Variants in VPS54 observed in about 807,000 individuals in gnomAD.
The protein encoded by VPS54 is VPS54 subunit of GARP complex, also known as vacuolar protein sorting-associated protein 54.
A neutral mutation model predicts 121.5 loss-of-function variants in VPS54; 45 were observed. The observed-to-expected ratio is 0.37, with a 90% confidence interval of 0.29 to 0.47. VPS54 has a LOEUF of 0.47. Among genes scored for constraint, VPS54 ranks in the 20% least tolerant of loss-of-function variants. The pLI, the probability that VPS54 is intolerant of heterozygous loss-of-function variation, is 0.99. For missense variants in VPS54, 1,090 were observed against 1,131.4 expected, an observed-to-expected ratio of 0.96 and a Z score of 0.52; for synonymous variants, 371 against 385.8, an observed-to-expected ratio of 0.96 and a Z score of 0.45.
At chr2:63,990,573 C>T (rs1382964246) in intron 1 of VPS54, among the ~76,000 whole-genome samples, 1 of 152,126 alleles carries the variant, frequency 6.6e-6, no homozygotes, top group East Asian at 1.9e-4. Context: ...ACCTCTGCTC[C>T]TTCTGCTCCC....
At chr2:63,917,707 AT>A (rs1299712933) in intron 15 of VPS54, among the ~76,000 whole-genome samples, 1 of 151,968 alleles carries the variant, frequency 6.6e-6, no homozygotes, top group African/African-American at 2.4e-5. Flanking sequence ...TCAGAAGTAT[AT>A]TTTTTGAGGT....
In VPS54 at chr2:63,912,374, C is replaced by T; in HGVS notation, c.2596G>A (p.Asp866Asn). 6.2e-7 allele frequency: 1 copy of T among 1,611,234 alleles called. No individual in the cohort carries two copies. The highest frequency in any genetic ancestry group is 8.5e-7 in the Non-Finnish European group (1 of 1,178,498). ...GATAACAGCTTGTCAAATAAGCTAT[C>T]CATTATCGCTACAAGCTTAGCTGAT... ...EISAKLVAIM[D>N]SLFDKLLSKY... The change falls in exon 20 of 23, where the codon GAT (aspartate) becomes AAT (asparagine). Residue 866 changes from aspartate (D) to asparagine (N), a missense_variant. Physicochemically the swap from Asp to Asn is conservative, Grantham distance 23. Transcript: ENST00000272322.
chr2:63,910,537 C>T (rs1673104030), intron 20 of VPS54, among the ~76,000 whole-genome samples: 1 of 152,010 alleles, frequency 6.6e-6, no homozygotes, highest in Non-Finnish European at 1.5e-5. Context: ...GAGGAATTAT[C>T]AATTTTGTTA....
chr2:63,955,706 A>G (rs1305683504), intron 7 of VPS54, among the ~76,000 whole-genome samples: 2 of 152,070 alleles, frequency 1.3e-5, no homozygotes, highest in Non-Finnish European at 2.9e-5. Context: ...TATATGCAAG[A>G]ATTTGTCTAC....
chr2:63,961,085 G>A (rs1011162314), intron 7 of VPS54, among the ~76,000 whole-genome samples: 3 of 152,092 alleles, frequency 2.0e-5, no homozygotes, highest in African/African-American at 7.2e-5. Flanking sequence ...TAATTTGTCT[G>A]CTTCCTTCCC....
chr2:64,019,263 T>C lies in VPS54; in HGVS notation c.-346A>G, dbSNP rs1559064316. 6.7e-6 allele frequency among the ~76,000 whole-genome samples: 1 copy of C among 148,372 alleles called. No homozygotes were observed. Among genetic ancestry groups the C allele is most frequent in the Non-Finnish European group, 1.5e-5 (1 of 66,808 alleles). ...CGCTGCTGCCACCGCCTCTCCCACATCCCCGGCCTCCAGGGGAGCCGCCGC... is the reference window on the plus strand; with the variant it reads ...CGCTGCTGCCACCGCCTCTCCCACACCCCCGGCCTCCAGGGGAGCCGCCGC... On this transcript the variant is annotated 5_prime_UTR_variant, in exon 1 of 23. The change abolishes an upstream ATG in the 5' untranslated region. Transcript: ENST00000272322.
intron 1 of VPS54, among the ~76,000 whole-genome samples, chr2:64,002,933 CTT>C (rs1677953984): frequency 6.6e-6 from 1 of 152,186 alleles, no homozygotes; most frequent in Non-Finnish European, 1.5e-5. Context: ...AAGAACCAAA[CTT>C]TGTACTGATC....
intron 8 of VPS54, 53 bp downstream of exon 8, chr2:63,948,984 G>A (rs983983980): frequency 1.3e-6 from 2 of 1,591,420 alleles, no homozygotes; most frequent in African/African-American, 2.7e-5. Context: ...TGTGTTCTAA[G>A]CCAAGACTGT....
chr2:63,968,940 T>C lies in VPS54; in HGVS notation c.492+17A>G, dbSNP rs375278839. 2 of 1,597,540 alleles carry C rather than the reference T, an allele frequency of 1.3e-6. No individual in the cohort carries two copies. Among genetic ancestry groups the C allele is most frequent in the Non-Finnish European group, 1.7e-6 (2 of 1,172,840 alleles). On this transcript the variant is annotated intron_variant, in intron 5 of 22. Coordinates refer to ENST00000272322, the MANE Select transcript of VPS54 (RefSeq NM_016516.3). ...CAAATATTATAAGGCAATTTTCTCATGTTTAAGCTTTGTTACCTTAGGTAC... is the reference window on the plus strand; with the variant it reads ...CAAATATTATAAGGCAATTTTCTCACGTTTAAGCTTTGTTACCTTAGGTAC...
chr2:64,007,625 G>A lies in VPS54; in HGVS notation c.-21+11313C>T, dbSNP rs1266278404. Among the ~76,000 whole-genome samples, 5 of 152,136 alleles carry A rather than the reference G, an allele frequency of 3.3e-5. No individual in the cohort carries two copies. The South Asian group carries it at 1.0e-3, about 31-fold the overall frequency. The stretch of plus-strand genomic sequence containing the variant: ...CTGCTTCCCTGAATTTTCCATTACT[G>A]CTTCTAGTTCAATTACATTACAGGA... On this transcript the variant is annotated intron_variant, in intron 1 of 22. Transcript: ENST00000272322.
At chr2:63,965,739 A>C (rs1357198642) in intron 6 of VPS54, 96 bp downstream of exon 6, 1 of 1,504,756 alleles carries the variant, frequency 6.6e-7, no homozygotes, top group African/African-American at 1.4e-5. Flanking sequence ...ATGAATTTAA[A>C]AGTACAGCTT....
chr2:63,955,461 C>G (rs906371272), intron 7 of VPS54, among the ~76,000 whole-genome samples: 1 of 151,910 alleles, frequency 6.6e-6, no homozygotes, highest in Non-Finnish European at 1.5e-5. Context: ...TATGACTGTA[C>G]CTACTGATAT....
At chr2:64,017,351 A>G (rs926985348) in intron 1 of VPS54, among the ~76,000 whole-genome samples, 2 of 144,816 alleles carry the variant, frequency 1.4e-5, no homozygotes, top group African/African-American at 4.9e-5. Context: ...AAAAAAAAAG[A>G]AAAGAAACAA....
At chr2:63,940,354 A>C (rs189932590) in intron 11 of VPS54, among the ~76,000 whole-genome samples, 1 of 152,214 alleles carries the variant, frequency 6.6e-6, no homozygotes, top group African/African-American at 2.4e-5. Flanking sequence ...GATGTTGTAC[A>C]TAAGTACTAG....
rs752940136 is a variant in VPS54 at position 64,002,001 on chromosome 2, C to T, written c.-21+16937G>A. 3.3e-5 allele frequency among the ~76,000 whole-genome samples: 5 copies of T among 152,336 alleles called. No individual in the cohort carries two copies. The South Asian group carries it at 1.0e-3, about 32-fold the overall frequency. ...CACACCTCAGCCCACAGTGGCAAGG[C>T]TTGCCAGAACTCAAGTTCCAACCAC... On this transcript the variant is annotated intron_variant, in intron 1 of 22. Coordinates refer to ENST00000272322, the MANE Select transcript of VPS54 (RefSeq NM_016516.3).
At chr2:63,915,016 T>A (rs993430445) in intron 16 of VPS54, among the ~76,000 whole-genome samples, 3 of 151,524 alleles carry the variant, frequency 2.0e-5, no homozygotes, top group Non-Finnish European at 4.4e-5. Flanking sequence ...CTGGGCGTGG[T>A]GCTGCACATC....
chr2:63,909,764 G>A (rs561626355), intron 20 of VPS54, among the ~76,000 whole-genome samples: 13 of 114,126 alleles, frequency 1.1e-4, no homozygotes, highest in East Asian at 5.8e-4. Flanking sequence ...CACTCTTGTT[G>A]CCTAGGCTGG....
chr2:63,959,980 A>C (rs887775841), intron 7 of VPS54, among the ~76,000 whole-genome samples: 3 of 152,156 alleles, frequency 2.0e-5, no homozygotes, highest in Admixed American at 6.5e-5. Context: ...AGATCGTGCC[A>C]CTGCACTCCA....
At chr2:63,914,325 A>G in intron 16 of VPS54, 38 bp from the exon 17 acceptor site, 1 of 1,382,074 alleles carries the variant, frequency 7.2e-7, no homozygotes, top group Non-Finnish European at 1.0e-6. Flanking sequence ...GGAAATCAAA[A>G]CAAGAAAAAT....
Sources: allele counts gnomAD v4.1 joint callset (sites outside exome capture counted in the v4.1 genomes callset), GRCh38; gene constraint gnomAD v4.1.1; transcripts MANE v1.5; gene names NCBI Gene and HGNC (gene_info 2026-07-23, HGNC 2026-07-21).